The following HPF1 variants were observed in gnomAD, a reference collection of about 807,000 sequenced individuals.
The protein encoded by HPF1 is UPF0609 protein C4orf27.
A neutral mutation model predicts 38.8 loss-of-function variants in HPF1; 35 were observed. That is an observed-to-expected ratio of 0.90 (90% CI 0.69 to 1.19). The LOEUF (loss-of-function observed/expected upper bound fraction) is 1.19. Among genes scored for constraint, HPF1 ranks in the 50% most tolerant of loss-of-function variants. HPF1 has a pLI of 0.00. For missense variants in HPF1, 367 were observed against 405.8 expected, an observed-to-expected ratio of 0.90 and a Z score of 0.82; for synonymous variants, 115 against 139.2, an observed-to-expected ratio of 0.83 and a Z score of 1.22.
chr4:169,757,500 C>A (rs535254553), intron 1 of HPF1, among the ~76,000 whole-genome samples: 1 of 152,142 alleles, frequency 6.6e-6, no homozygotes, highest in Admixed American at 6.5e-5. Context: ...CAGGTTGACC[C>A]CCAAATCCGC....
chr4:169,748,882 A>G, intron 3 of HPF1, 40 bp from the exon 4 acceptor site: 1 of 903,172 alleles, frequency 1.1e-6, no homozygotes, highest in East Asian at 2.8e-5. Context: ...GCTGCCCATA[A>G]TTTATATTAT....
At chr4:169,739,712 G>A (rs909422996) in intron 5 of HPF1, among the ~76,000 whole-genome samples, 1 of 152,170 alleles carries the variant, frequency 6.6e-6, no homozygotes, top group African/African-American at 2.4e-5. Flanking sequence ...GCAGGATTGT[G>A]TTTGTGAAAA....
Position 169,750,916 on chromosome 4 carries a change from T to C in HPF1, c.209-191A>G, listed in dbSNP as rs550457654. ...TCAGAGTAACAGGAAAAGTGGTATT[T>C]ACATTTAGGATTTCCTCTTAAATTT... On this transcript the variant is annotated intron_variant, in intron 2 of 7. Transcript: ENST00000393381. Among the ~76,000 whole-genome samples, 15 of 152,346 alleles carry C rather than the reference T, an allele frequency of 9.8e-5. 1 individual carries two copies. The highest frequency in any genetic ancestry group is 3.4e-4 in the African/African-American group (14 of 41,580).
intron 4 of HPF1, among the ~76,000 whole-genome samples, chr4:169,744,819 CTT>C (rs796856450): frequency 4.9e-5 from 7 of 144,194 alleles, no homozygotes; most frequent in Admixed American, 1.4e-4. Flanking sequence ...ATGAGTCACT[CTT>C]TTTTTTTTTT....
rs538863378 is a variant in HPF1 at position 169,732,143 on chromosome 4, T to C, written c.737-267A>G. On this transcript the variant is annotated intron_variant, in intron 6 of 7. Transcript: ENST00000393381. ...GGATTTAGTTACAGTCACGATTTTTTTTTTTTTTTTTTTTTTTAGACGGAG... is the reference window on the plus strand; with the variant it reads ...GGATTTAGTTACAGTCACGATTTTTCTTTTTTTTTTTTTTTTTAGACGGAG... 430 of 271,332 alleles carry C rather than the reference T, an allele frequency of 1.6e-3. 1 individual carries two copies. The highest frequency in any genetic ancestry group is 9.4e-3 in the African/African-American group (407 of 43,182). 16.8% of individuals were successfully genotyped at this position (271,332 alleles called of 1,614,324 possible). A position where few individuals can be genotyped will look rare whatever the true frequency, so the allele number is the denominator to read the frequency against.
At chr4:169,732,912 T>C (rs1441524793) in intron 6 of HPF1, among the ~76,000 whole-genome samples, 1 of 152,244 alleles carries the variant, frequency 6.6e-6, no homozygotes, top group East Asian at 1.9e-4. Flanking sequence ...ATGCAAATTC[T>C]ACACCAACTT....
chr4:169,753,193 C>G (rs1734142320), intron 2 of HPF1, among the ~76,000 whole-genome samples: 1 of 151,830 alleles, frequency 6.6e-6, no homozygotes. Flanking sequence ...ACCACCATGC[C>G]CAGCTAAATT....
chr4:169,754,128 AG>A (rs1734153344), intron 1 of HPF1, among the ~76,000 whole-genome samples: 5 of 152,228 alleles, frequency 3.3e-5, no homozygotes. Context: ...GCAGGAAGAG[AG>A]GAATAAAGAA....
intron 4 of HPF1, among the ~76,000 whole-genome samples, chr4:169,744,909 G>A (rs1319402708): frequency 1.3e-5 from 2 of 150,992 alleles, no homozygotes; most frequent in Non-Finnish European, 1.5e-5. Context: ...CATCTAAAAT[G>A]CTACAAAGGT....
chr4:169,732,140 T>TTTC, intron 6 of HPF1: 1 of 149,346 alleles, frequency 6.7e-6, no homozygotes, highest in African/African-American at 2.7e-5. Flanking sequence ...AGTCACGATT[T>TTTC]TTTTTTTTTT....
chr4:169,745,300 G>A (rs1045633470), intron 4 of HPF1, among the ~76,000 whole-genome samples: 23 of 152,322 alleles, frequency 1.5e-4, no homozygotes, highest in South Asian at 4.1e-4. Context: ...GCAAGGGCAC[G>A]GCCTGGCCAC....
At chr4:169,738,555 A>G (rs1337146857) in intron 5 of HPF1, among the ~76,000 whole-genome samples, 4 of 152,184 alleles carry the variant, frequency 2.6e-5, no homozygotes, top group African/African-American at 9.7e-5. Context: ...CTAAGTCTCT[A>G]TATCTTAAAG....
rs1487069918 is a variant in HPF1 at position 169,742,079 on chromosome 4, T to G, written c.526A>C (p.Ile176Leu). The G allele has an allele frequency of 6.2e-7, 1 of 1,611,734 alleles. No homozygotes were observed. Among genetic ancestry groups the G allele is most frequent in the Admixed American group, 1.7e-5 (1 of 59,974 alleles). ...KLFLTKKLRE[I>L]TDKKKINLLK... ...AGATTGATTTTCTTTTTATCCGTTA[T>G]TTCTCTAAGTTTTTTCGTCAAAAAT... Residue 176 changes from isoleucine (I) to leucine (L), a missense_variant, in exon 5 of 8, where the codon ATA becomes CTA. Ile to Leu is a conservative substitution (Grantham distance 5, BLOSUM62 2). Coordinates refer to ENST00000393381, the MANE Select transcript of HPF1 (RefSeq NM_017867.3).
intron 1 of HPF1, 115 bp downstream of exon 1, chr4:169,757,715 C>T (rs1431550703): frequency 5.7e-6 from 6 of 1,053,642 alleles, no homozygotes; most frequent in Non-Finnish European, 8.4e-6. Context: ...AAACCGCAGC[C>T]CCTGGACACA....
chr4:169,733,763 G>A (rs1333975183), intron 6 of HPF1, among the ~76,000 whole-genome samples: 1 of 152,026 alleles, frequency 6.6e-6, no homozygotes, highest in East Asian at 1.9e-4. Context: ...GGACTTGGTG[G>A]TGGACACCTG....
At chr4:169,736,881 G>A (rs1434983494) in intron 6 of HPF1, among the ~76,000 whole-genome samples, 3 of 152,126 alleles carry the variant, frequency 2.0e-5, no homozygotes, top group Non-Finnish European at 2.9e-5. Flanking sequence ...GTTTAACGTA[G>A]CAATAACTAG....
At chr4:169,735,642 G>C (rs1051262214) in intron 6 of HPF1, among the ~76,000 whole-genome samples, 1 of 152,136 alleles carries the variant, frequency 6.6e-6, no homozygotes, top group Non-Finnish European at 1.5e-5. Flanking sequence ...AAAAGCTTTA[G>C]AGACTGCCCA....
At chr4:169,742,728 C>T (rs1733991320) in intron 4 of HPF1, among the ~76,000 whole-genome samples, 1 of 151,520 alleles carries the variant, frequency 6.6e-6, no homozygotes, top group South Asian at 2.1e-4. Context: ...GGAGGCAGAG[C>T]TTGCAGTGAA....
chr4:169,735,932 T>TTA (rs71590031), intron 6 of HPF1, among the ~76,000 whole-genome samples: 3 of 105,670 alleles, frequency 2.8e-5, no homozygotes, highest in African/African-American at 9.3e-5. Flanking sequence ...GAGAAGGAGC[T>TTA]AAAAAAAAAA....
Sources: gnomAD v4.1 joint callset for allele counts (sites outside exome capture counted in the v4.1 genomes callset) on GRCh38, gnomAD v4.1.1 for gene constraint, MANE v1.5 for transcripts, NCBI Gene and HGNC (gene_info 2026-07-23, HGNC 2026-07-21) for gene names.